The following CDK15 variants were observed in gnomAD, a reference collection of about 807,000 sequenced individuals.
CDK15 encodes cyclin-dependent kinase 15.
A neutral mutation model predicts 60.3 loss-of-function variants in CDK15; 62 were observed. The observed-to-expected ratio is 1.03, with a 90% CI of 0.84 to 1.27. The LOEUF (loss-of-function observed/expected upper bound fraction) is 1.27. Ranked by LOEUF, CDK15 falls within the 50% of genes most tolerant of loss-of-function variation. The probability of loss-of-function intolerance (pLI) is 0.00; values close to 1 mark genes in which losing one functional copy is unlikely to be tolerated. For missense variants in CDK15, 541 were observed against 527.8 expected (o/e 1.03, Z -0.25); for synonymous variants, 194 against 195.7 (o/e 0.99, Z 0.07).
At chr2:201,888,988 G>C in intron 12 of CDK15, 1 of 985,958 alleles carries the variant, frequency 1.0e-6, no homozygotes, top group Non-Finnish European at 1.2e-6. Flanking sequence ...ATATCCGTGT[G>C]AAAATGTCTT....
In CDK15 at chr2:201,882,216, T is replaced by A. The variant is rs375054634; in HGVS notation, c.1198+2049T>A. ...GTGTGCGTATGTGTGTGTGTGTGTG[T>A]GAGAGAGAGACAGAGAGAACAATCT... On this transcript the variant is annotated intron_variant, in intron 12 of 13. Transcript: ENST00000652192. The surrounding 1 kb of genome is among the most constrained non-coding windows in gnomAD (Gnocchi z 4.0). 5.9e-3 allele frequency among the ~76,000 whole-genome samples: 886 copies of A among 151,336 alleles called. 7 individuals carry two copies. Among genetic ancestry groups the A allele is most frequent in the African/African-American group, 0.019 (799 of 41,112 alleles).
chr2:201,889,911 G>A (rs1335003179), intron 12 of CDK15, among the ~76,000 whole-genome samples: 1 of 151,854 alleles, frequency 6.6e-6, no homozygotes, highest in Non-Finnish European at 1.5e-5. Flanking sequence ...TTAGCCAGAT[G>A]TGGTGATGCT....
intron 4 of CDK15, among the ~76,000 whole-genome samples, chr2:201,814,823 G>A (rs1442546093): frequency 4.6e-5 from 7 of 152,114 alleles, no homozygotes; most frequent in African/African-American, 1.4e-4. Context: ...TACATATATG[G>A]TCTCTTTCTA....
At chr2:201,854,966 C>G in intron 10 of CDK15, 29 bp downstream of exon 10, 1 of 1,605,034 alleles carries the variant, frequency 6.2e-7, no homozygotes, top group Non-Finnish European at 8.5e-7. Context: ...TCTGAATACT[C>G]TGAGAATTAG....
intron 6 of CDK15, 123 bp downstream of exon 6, chr2:201,823,850 C>A: frequency 1.2e-5 from 9 of 745,132 alleles, no homozygotes; most frequent in South Asian, 6.6e-5. Flanking sequence ...CACTGATATT[C>A]CAGAAAAAAG....
intron 6 of CDK15, chr2:201,824,512 G>C: frequency 4.4e-6 from 1 of 228,544 alleles, no homozygotes; most frequent in East Asian, 9.9e-5. Context: ...AGGCAGTGAG[G>C]GCCAGTCTTC....
At chr2:201,890,675 G>A in intron 12 of CDK15, 110 bp from the exon 13 acceptor site, 1 of 738,534 alleles carries the variant, frequency 1.4e-6, no homozygotes. Flanking sequence ...AATAAGTCTG[G>A]CTCATGTTTT....
At chr2:201,837,377 GA>G (rs1248893736) in intron 8 of CDK15, among the ~76,000 whole-genome samples, 35 of 121,484 alleles carry the variant, frequency 2.9e-4, no homozygotes, top group African/African-American at 7.6e-4. Flanking sequence ...GAGGGGGAGA[GA>G]GGGGGAGAAG....
At chr2:201,863,228 C>A (rs181757445) in intron 10 of CDK15, among the ~76,000 whole-genome samples, 42 of 152,192 alleles carry the variant, frequency 2.8e-4, no homozygotes, top group Non-Finnish European at 5.0e-4. Flanking sequence ...GTTTTCTCAT[C>A]TTTAATTTAT....
At chr2:201,819,416 G>A (rs1208421765) in intron 4 of CDK15, among the ~76,000 whole-genome samples, 1 of 152,330 alleles carries the variant, frequency 6.6e-6, no homozygotes. Flanking sequence ...GTGAGGAGAT[G>A]ACAGGTCACG....
At chr2:201,864,662 A>G (rs1341084005) in intron 10 of CDK15, among the ~76,000 whole-genome samples, 9 of 151,872 alleles carry the variant, frequency 5.9e-5, no homozygotes, top group Non-Finnish European at 1.2e-4. Context: ...TGGCCTCCCA[A>G]AGTGCCGGGA....
At chr2:201,862,917 G>A (rs955809110) in intron 10 of CDK15, among the ~76,000 whole-genome samples, 1 of 152,168 alleles carries the variant, frequency 6.6e-6, no homozygotes, top group Non-Finnish European at 1.5e-5. Flanking sequence ...ACCCAGACGT[G>A]ATTTTAGAAT....
At chr2:201,868,404 G>C (rs557578513) in intron 10 of CDK15, among the ~76,000 whole-genome samples, 2 of 152,240 alleles carry the variant, frequency 1.3e-5, no homozygotes, top group East Asian at 3.9e-4. Context: ...GGTTCACCCG[G>C]GTCCTGGGTC....
rs1353889772 is a variant in CDK15, at chr2:201,807,365, T to A, written c.124-129T>A. The A allele has an allele frequency of 5.4e-6, 5 of 925,562 alleles. No homozygotes were observed. In the African/African-American group the frequency reaches 8.3e-5, roughly 15 times the overall value. The allele number at this position is 925,562 out of a possible 1,614,324, so 57.3% of individuals were successfully genotyped here. A position where few individuals can be genotyped will look rare whatever the true frequency, so the allele number is the denominator to read the frequency against. ...AGGGATCTTTCAAGAAAAGTGCCTT[T>A]TGGGGGTACAGGAAGCTTAGAAAAC... On this transcript the variant is annotated intron_variant, in intron 1 of 13. Transcript: ENST00000652192.
chr2:201,890,952 C>A, intron 13 of CDK15, 25 bp downstream of exon 13: 2 of 1,261,912 alleles, frequency 1.6e-6, no homozygotes, highest in South Asian at 1.3e-5. Context: ...CAGTGAGGTT[C>A]CTTATGGAAC....
chr2:201,841,564 G>A (rs1014457802), intron 8 of CDK15, among the ~76,000 whole-genome samples: 1 of 152,154 alleles, frequency 6.6e-6, no homozygotes, highest in Non-Finnish European at 1.5e-5. Context: ...AGTTGACAAA[G>A]AATGAAAAAG....
intron 1 of CDK15, among the ~76,000 whole-genome samples, chr2:201,807,138 T>A (rs1695545284): frequency 6.6e-6 from 1 of 152,084 alleles, no homozygotes; most frequent in Non-Finnish European, 1.5e-5. Flanking sequence ...TAGTAATTAG[T>A]TCATGATTAT....
At chr2:201,875,953 T>C (rs1699061461) in intron 11 of CDK15, among the ~76,000 whole-genome samples, 2 of 152,228 alleles carry the variant, frequency 1.3e-5, no homozygotes, top group South Asian at 4.1e-4. Context: ...GACTGATTTA[T>C]CACAGGATTC....
Position 201,812,562 on chromosome 2 carries a change from G to A in CDK15, c.448G>A (p.Ala150Thr). The A allele has an allele frequency of 6.2e-7, 1 of 1,609,904 alleles. No individual in the cohort carries two copies. ...AGTCCCATTTACAGCTATCCGAGAA[G>A]GTAAGAACAGCAGAAATGGACCCAA... ...EGVPFTAIREASLLKGLKHAN... is the reference protein window; with the variant it reads ...EGVPFTAIRETSLLKGLKHAN... Residue 150 changes from alanine to threonine, a missense_variant and splice_region_variant, in exon 4 of 14, where the codon GCT becomes ACT. By Grantham distance (58) the Ala-to-Thr change is moderately conservative. Coordinates refer to ENST00000652192, the MANE Select transcript of CDK15 (RefSeq NM_001366386.2).
Sources: gnomAD v4.1 joint callset for allele counts (sites outside exome capture counted in the v4.1 genomes callset) on GRCh38, gnomAD v4.1.1 for gene constraint, Gnocchi (gnomAD v3.1) non-coding constraint, MANE v1.5 for transcripts, NCBI Gene and HGNC (gene_info 2026-07-23, HGNC 2026-07-21) for gene names.